ZFPM2: variants seen among roughly 807,000 people sequenced by gnomAD.
ZFPM2 encodes the protein zinc finger protein, FOG family member 2, also known as zinc finger protein ZFPM2.
ZFPM2 carries 20 observed loss-of-function variants against 98.6 expected under a neutral mutation model. The ratio of observed to expected loss-of-function variants is 0.20; its 90% CI spans 0.14 to 0.29. The LOEUF (loss-of-function observed/expected upper bound fraction) is 0.29, where lower values mean the gene tolerates loss of function less well. ZFPM2 is among the 10% of genes least tolerant of loss of function. The pLI is 1.00. For synonymous variants in ZFPM2, 518 were observed against 502.7 expected (o/e 1.03, Z -0.41); for missense variants, 1,310 against 1,388.6 (o/e 0.94, Z 0.90).
At chr8:105,672,955 C>T (rs762966686) in intron 5 of ZFPM2, among the ~76,000 whole-genome samples, 1 of 152,092 alleles carries the variant, frequency 6.6e-6, no homozygotes, top group Non-Finnish European at 1.5e-5. Context: ...ATTCGGATTG[C>T]TGTCATCCAG....
chr8:105,322,636 G>A (rs1812049222), intron 1 of ZFPM2, among the ~76,000 whole-genome samples: 1 of 152,032 alleles, frequency 6.6e-6, no homozygotes, highest in African/African-American at 2.4e-5. Context: ...AGAGCGTAGT[G>A]CATAAATGTT....
intron 5 of ZFPM2, among the ~76,000 whole-genome samples, chr8:105,717,229 G>T (rs1811545995): frequency 6.6e-6 from 1 of 152,010 alleles, no homozygotes. Context: ...GAAAAGCAAT[G>T]AGATGAATCA....
At chr8:105,322,927 A>G (rs1308349543) in intron 1 of ZFPM2, among the ~76,000 whole-genome samples, 1 of 151,978 alleles carries the variant, frequency 6.6e-6, no homozygotes, top group Non-Finnish European at 1.5e-5. Flanking sequence ...TGGCATTTTA[A>G]TGTTCTATGC....
intron 3 of ZFPM2, among the ~76,000 whole-genome samples, chr8:105,452,705 T>C (rs1812510946): frequency 6.6e-6 from 1 of 152,140 alleles, no homozygotes; most frequent in South Asian, 2.1e-4. Context: ...TTAGCTGTGA[T>C]CCTGCTACTG....
At chr8:105,541,561 A>G (rs1475987551) in intron 3 of ZFPM2, among the ~76,000 whole-genome samples, 3 of 152,366 alleles carry the variant, frequency 2.0e-5, no homozygotes, top group Non-Finnish European at 4.4e-5. Context: ...TAAAGGCAGT[A>G]CTTTCTGAGG....
At chr8:105,602,605 A>G (rs1816115730) in intron 4 of ZFPM2, among the ~76,000 whole-genome samples, 1 of 152,042 alleles carries the variant, frequency 6.6e-6, no homozygotes, top group Non-Finnish European at 1.5e-5. Context: ...TTAAAAAGTG[A>G]ATTCCTATAT....
chr8:105,556,111 A>G (rs554459145), intron 3 of ZFPM2, among the ~76,000 whole-genome samples: 1 of 152,302 alleles, frequency 6.6e-6, no homozygotes, highest in South Asian at 2.1e-4. Context: ...TGGAGTTTTA[A>G]TCAGTTTATC....
At chr8:105,335,495 A>G (rs994825841) in intron 1 of ZFPM2, among the ~76,000 whole-genome samples, 2 of 151,758 alleles carry the variant, frequency 1.3e-5, no homozygotes, top group Admixed American at 1.3e-4. Flanking sequence ...TTTTTGGGAA[A>G]AAAGTTAATC....
chr8:105,462,212 C>T (rs1304065787), intron 3 of ZFPM2, among the ~76,000 whole-genome samples: 1 of 152,044 alleles, frequency 6.6e-6, no homozygotes. Context: ...ATCTTAGTAA[C>T]CTCCACCATT....
intron 4 of ZFPM2, among the ~76,000 whole-genome samples, chr8:105,623,158 G>T (rs1207863863): frequency 2.0e-5 from 3 of 152,100 alleles, no homozygotes; most frequent in Non-Finnish European, 4.4e-5. Flanking sequence ...ACTTTGCCAA[G>T]ATTTTATTTT....
At chr8:105,795,447 T>A (rs934226656) in intron 6 of ZFPM2, among the ~76,000 whole-genome samples, 1 of 151,758 alleles carries the variant, frequency 6.6e-6, no homozygotes, top group African/African-American at 2.4e-5. Flanking sequence ...CTTTCATTAA[T>A]GCTTCTATAG....
chr8:105,613,836 A>G (rs1373891403), intron 4 of ZFPM2, among the ~76,000 whole-genome samples: 1 of 152,178 alleles, frequency 6.6e-6, no homozygotes, highest in Non-Finnish European at 1.5e-5. Context: ...CCCCCAAAAA[A>G]GGCAAAGTTA....
chr8:105,546,681 G>C (rs57329234), intron 3 of ZFPM2, among the ~76,000 whole-genome samples: 257 of 151,992 alleles, frequency 1.7e-3, no homozygotes, highest in African/African-American at 5.4e-3. Context: ...GTGGTCTCAT[G>C]TTCATGACAA....
intron 1 of ZFPM2, among the ~76,000 whole-genome samples, chr8:105,407,345 G>T (rs181781227): frequency 3.5e-4 from 53 of 151,874 alleles, no homozygotes; most frequent in African/African-American, 1.2e-3. Context: ...TGGCTCAATG[G>T]CAAATCAGAA....
At chr8:105,619,224 G>A (rs907472210) in intron 4 of ZFPM2, among the ~76,000 whole-genome samples, 23 of 152,098 alleles carry the variant, frequency 1.5e-4, no homozygotes, top group East Asian at 3.9e-4. Context: ...TTACTATGTT[G>A]TTGTTTGGTC....
intron 5 of ZFPM2, among the ~76,000 whole-genome samples, chr8:105,731,442 T>C (rs1402638685): frequency 6.6e-6 from 1 of 151,618 alleles, no homozygotes; most frequent in Non-Finnish European, 1.5e-5. Flanking sequence ...AGAAAAGAAA[T>C]ATTGCATTGA....
chr8:105,407,058 A>T (rs1709456081), intron 1 of ZFPM2, among the ~76,000 whole-genome samples: 1 of 151,364 alleles, frequency 6.6e-6, no homozygotes, highest in African/African-American at 2.4e-5. Flanking sequence ...ATCAGAAAGC[A>T]TAGGGCCACA....
intron 1 of ZFPM2, among the ~76,000 whole-genome samples, chr8:105,389,013 C>CGT (rs142145699): frequency 0.1 from 14,119 of 134,748 alleles, 846 homozygotes; most frequent in Middle Eastern, 0.14. Context: ...AATTTGATGA[C>CGT]GTGTGTGTGT....
At chr8:105,751,555 G>T (rs1309793720) in intron 5 of ZFPM2, among the ~76,000 whole-genome samples, 1 of 152,040 alleles carries the variant, frequency 6.6e-6, no homozygotes, top group African/African-American at 2.4e-5. Flanking sequence ...TATGCTTAGG[G>T]AAAGAAGGGC....
Sources: allele counts gnomAD v4.1 joint callset (sites outside exome capture counted in the v4.1 genomes callset), GRCh38; gene constraint gnomAD v4.1.1; transcripts MANE v1.5; gene names NCBI Gene and HGNC (gene_info 2026-07-23, HGNC 2026-07-21).